Variants in AATK observed in about 807,000 individuals in gnomAD.
AATK encodes lemur tail kinase 1.
In AATK, 91 loss-of-function variants were observed where a neutral mutation model predicts 114.3. That is an observed-to-expected ratio of 0.80 (90% CI 0.67 to 0.95). AATK has a LOEUF of 0.95. Ranked by LOEUF, AATK falls within the 40% of genes least tolerant of loss-of-function variation. The pLI is 0.00. For missense variants in AATK, 2,176 were observed against 1,965.2 expected, an observed-to-expected ratio of 1.11 and a Z score of -2.03; for synonymous variants, 1,075 against 916.5, an observed-to-expected ratio of 1.17 and a Z score of -3.12.
At chr17:81,133,465 G>A (rs879651599) in intron 2 of AATK, 5 of 284,094 alleles carry the variant, frequency 1.8e-5, no homozygotes, top group Non-Finnish European at 3.5e-5. Flanking sequence ...TGTGCGCGCT[G>A]CAGAATGCCT....
intron 1 of AATK, among the ~76,000 whole-genome samples, chr17:81,156,082 C>T (rs1274267086): frequency 7.1e-6 from 1 of 140,030 alleles, no homozygotes; most frequent in African/African-American, 3.1e-5. Flanking sequence ...TACTATGTTA[C>T]AATGTATGTT....
At chr17:81,160,342 CT>C (rs1231518061) in intron 1 of AATK, 2 of 760,406 alleles carry the variant, frequency 2.6e-6, no homozygotes, top group African/African-American at 1.9e-5. Flanking sequence ...CCGCAGCCCC[CT>C]GACCCCAGGC....
chr17:81,119,654 G>T, intron 12 of AATK, 74 bp from the exon 13 acceptor site: 1 of 542,334 alleles, frequency 1.8e-6, no homozygotes, highest in Non-Finnish European at 2.5e-6. Flanking sequence ...CACAGTCACG[G>T]GCCCAGGCCC....
rs1304769174 is a variant in AATK, at chr17:81,126,324, C to T, written c.755+103G>A. The stretch of plus-strand genomic sequence containing the variant: ...TGATGCTGCATGAGATGAACCTGGC[C>T]GGTCCTCGCAAGCCCCCTGAGGCAG... On this transcript the variant is annotated intron_variant, in intron 7 of 13. Transcript: ENST00000326724. The surrounding 1 kb of genome is among the most constrained non-coding windows in gnomAD (Gnocchi z 5.1). 23 of 1,381,936 alleles carry T rather than the reference C, an allele frequency of 1.7e-5. 1 individual carries two copies. Among genetic ancestry groups the T allele is most frequent in the Admixed American group, 1.6e-4 (6 of 38,668 alleles). 85.6% of individuals were successfully genotyped at this position (1,381,936 alleles called of 1,614,324 possible). A position where few individuals can be genotyped will look rare whatever the true frequency, so the allele number is the denominator to read the frequency against.
intron 10 of AATK, 81 bp downstream of exon 10, chr17:81,123,113 T>C: frequency 1.5e-6 from 2 of 1,342,102 alleles, no homozygotes; most frequent in Non-Finnish European, 1.9e-6. Flanking sequence ...CGCCAGGGGG[T>C]CAGGGTGAGC....
intron 1 of AATK, among the ~76,000 whole-genome samples, chr17:81,139,378 A>G (rs1377839365): frequency 6.6e-6 from 1 of 152,160 alleles, no homozygotes; most frequent in African/African-American, 2.4e-5. Flanking sequence ...CTTCCCAAAT[A>G]CGAGAAGGGG....
chr17:81,118,699 G>A (rs1050405587), intron 13 of AATK, among the ~76,000 whole-genome samples: 2 of 152,248 alleles, frequency 1.3e-5, no homozygotes, highest in African/African-American at 2.4e-5. Flanking sequence ...GGAAGGGGAT[G>A]GCCAAGGTCA....
At chr17:81,150,622 G>A (rs1473540681) in intron 1 of AATK, among the ~76,000 whole-genome samples, 1 of 152,060 alleles carries the variant, frequency 6.6e-6, no homozygotes, top group Non-Finnish European at 1.5e-5. Flanking sequence ...ACACCATGAA[G>A]AGCTCATTCC....
At chr17:81,119,638 CGCTCCCACAGTCACGGGCCCAG>C (rs1341624693) in intron 12 of AATK, 58 bp from the exon 13 acceptor site, 5 of 1,329,514 alleles carry the variant, frequency 3.8e-6, no homozygotes, top group African/African-American at 1.7e-5. Flanking sequence ...GGCCCGGCCC[CGCTCCCACAGTCACGGGCCCAG>C]GCCCCGCCTC....
rs1296202003 is a variant in AATK at position 81,127,898 on chromosome 17, C to G, written c.427G>C (p.Glu143Gln). 1.5e-5 allele frequency: 23 copies of G among 1,548,962 alleles called. No individual in the cohort carries two copies. Among genetic ancestry groups the G allele is most frequent in the Non-Finnish European group, 2.0e-5 (23 of 1,146,930 alleles). Reference sequence around the variant, plus strand: ...GCACTGCTGATGCCAGAGTTCACCTCCCCCAGGAACACCTGTGGGACAGAC... The same window carrying G: ...GCACTGCTGATGCCAGAGTTCACCTGCCCCAGGAACACCTGTGGGACAGAC... ...RGWFGKVFLG[E>Q]VNSGISSAQV... Residue 143 changes from glutamate to glutamine, a missense_variant, in exon 5 of 14, where the codon GAG (glutamate) becomes CAG (glutamine). Around this residue, in one of 4 missense-constraint regions of AATK, gnomAD observed 24 missense variants for 50.9 expected, o/e 0.47. Coordinates refer to ENST00000326724, the MANE Select transcript of AATK (RefSeq NM_001080395.3).
At chr17:81,123,723 G>C (rs537020643) in intron 9 of AATK, among the ~76,000 whole-genome samples, 11 of 151,610 alleles carry the variant, frequency 7.3e-5, no homozygotes, top group Non-Finnish European at 1.5e-4. Flanking sequence ...CCAGCAGGGG[G>C]CTGAGGGAGG....
chr17:81,143,221 C>T (rs953673423), intron 1 of AATK, among the ~76,000 whole-genome samples: 1 of 151,972 alleles, frequency 6.6e-6, no homozygotes, highest in African/African-American at 2.4e-5. Context: ...GCAACGTGCA[C>T]ACGTCCCAGG....
intron 1 of AATK, among the ~76,000 whole-genome samples, chr17:81,150,774 C>G (rs1282611247): frequency 6.6e-6 from 1 of 152,230 alleles, no homozygotes; most frequent in Non-Finnish European, 1.5e-5. Flanking sequence ...GGGTGGCCAG[C>G]AGGTGGGCCT....
chr17:81,122,996 A>C (rs1225929032), intron 10 of AATK, among the ~76,000 whole-genome samples, 173 bp from the exon 11 acceptor site: 1 of 152,118 alleles, frequency 6.6e-6, no homozygotes, highest in African/African-American at 2.4e-5. Flanking sequence ...TGGGAGCAGG[A>C]GGTGGGCTGG....
Position 81,127,610 on chromosome 17 carries a change from G to A in AATK, c.594C>T (p.Tyr198=), listed in dbSNP as rs769587971. The A allele has an allele frequency of 3.7e-6, 6 of 1,602,510 alleles. No homozygotes were observed. The highest frequency in any genetic ancestry group is 5.1e-6 in the Non-Finnish European group (6 of 1,175,116). Residue 198 remains tyrosine, a synonymous_variant, in exon 6 of 14, where the codon TAC becomes TAT. Transcript: ENST00000326724. ...CLAQCAEVTP[Y]LLVMEFCPLG... Reference sequence around the variant, plus strand: ...GTGGGCAGAACTCCATCACCAGCAGGTAGGGCGTCACCTCGGCGCACTGGG... The same window carrying A: ...GTGGGCAGAACTCCATCACCAGCAGATAGGGCGTCACCTCGGCGCACTGGG...
chr17:81,133,885 G>T (rs1325689273), intron 2 of AATK, among the ~76,000 whole-genome samples: 1 of 152,198 alleles, frequency 6.6e-6, no homozygotes, highest in African/African-American at 2.4e-5. Context: ...CCCGCGCAAG[G>T]TGACTCCAAC....
intron 1 of AATK, among the ~76,000 whole-genome samples, chr17:81,148,378 A>G (rs959371026): frequency 6.6e-6 from 1 of 152,078 alleles, no homozygotes; most frequent in African/African-American, 2.4e-5. Flanking sequence ...CCACCCTGAC[A>G]TGCTGTCCCA....
chr17:81,154,358 T>C (rs1171177622), intron 1 of AATK, among the ~76,000 whole-genome samples: 2 of 145,384 alleles, frequency 1.4e-5, no homozygotes, highest in Non-Finnish European at 1.5e-5. Context: ...TCTTGCTCTG[T>C]CACCCAGGCT....
chr17:81,160,759 C>T (rs533476903), intron 1 of AATK, among the ~76,000 whole-genome samples: 2 of 152,358 alleles, frequency 1.3e-5, no homozygotes, highest in East Asian at 1.9e-4. Flanking sequence ...CCCTGGCGTG[C>T]ACAGAGGGGT....
Sources: allele counts gnomAD v4.1 joint callset (sites outside exome capture counted in the v4.1 genomes callset), GRCh38; gene constraint gnomAD v4.1.1; regional missense constraint gnomAD v4.1.1; non-coding constraint Gnocchi (gnomAD v3.1); transcripts MANE v1.5; gene names NCBI Gene and HGNC (gene_info 2026-07-23, HGNC 2026-07-21).